The following COQ3 variants were observed in gnomAD, a reference collection of about 807,000 sequenced individuals.
The protein encoded by COQ3 is coenzyme Q3, methyltransferase, also known as ubiquinone biosynthesis O-methyltransferase, mitochondrial.
COQ3 carries 29 observed loss-of-function variants against 33.1 expected under a neutral mutation model. The ratio of observed to expected loss-of-function variants is 0.88; its 90% CI spans 0.65 to 1.19. The LOEUF (loss-of-function observed/expected upper bound fraction) is 1.19. Among genes scored for constraint, COQ3 ranks in the 50% most tolerant of loss-of-function variants. COQ3 has a pLI of 0.00. For synonymous variants in COQ3, 173 were observed against 157.8 expected (o/e 1.10, Z -0.72); for missense variants, 437 against 430.7 (o/e 1.01, Z -0.13).
At chr6:99,389,307 T>C (rs1057264041) in intron 1 of COQ3, among the ~76,000 whole-genome samples, 4 of 152,106 alleles carry the variant, frequency 2.6e-5, no homozygotes, top group African/African-American at 9.7e-5. Context: ...GTATTTTTAG[T>C]AGAGACAGGC....
At chr6:99,390,694 ATTGT>A (rs1197593891) in intron 1 of COQ3, among the ~76,000 whole-genome samples, 1 of 151,982 alleles carries the variant, frequency 6.6e-6, no homozygotes, top group African/African-American at 2.4e-5. Context: ...TGTAGTTTTA[ATTGT>A]TTGTTTTTGT....
At chr6:99,377,314 A>T in intron 4 of COQ3, 72 bp downstream of exon 4, 1 of 1,139,766 alleles carries the variant, frequency 8.8e-7, no homozygotes, top group South Asian at 1.3e-5. Flanking sequence ...TTGTTGAAAG[A>T]ATAAATGAGG....
At chr6:99,369,998 A>T (rs1353453308) in intron 6 of COQ3, among the ~76,000 whole-genome samples, 178 bp from the exon 7 acceptor site, 1 of 152,204 alleles carries the variant, frequency 6.6e-6, no homozygotes, top group Non-Finnish European at 1.5e-5. Context: ...CTATGCACTA[A>T]TCACAATTTA....
At chr6:99,389,507 A>C (rs1774764449) in intron 1 of COQ3, among the ~76,000 whole-genome samples, 2 of 152,202 alleles carry the variant, frequency 1.3e-5, no homozygotes, top group South Asian at 4.1e-4. Flanking sequence ...ACAAAAGGGT[A>C]CAGTACAAAG....
At chr6:99,372,561 G>A (rs996450579) in intron 5 of COQ3, among the ~76,000 whole-genome samples, 13 of 152,042 alleles carry the variant, frequency 8.6e-5, no homozygotes, top group Middle Eastern at 3.4e-3. Flanking sequence ...GGGATTACAG[G>A]TGCCTGCCAC....
chr6:99,373,612 C>T (rs888289484), intron 5 of COQ3, among the ~76,000 whole-genome samples: 3 of 152,042 alleles, frequency 2.0e-5, no homozygotes, highest in Non-Finnish European at 4.4e-5. Flanking sequence ...TCCCTTCATA[C>T]ACACTGACAT....
chr6:99,374,575 A>G (rs1774233681), intron 5 of COQ3, among the ~76,000 whole-genome samples: 1 of 152,232 alleles, frequency 6.6e-6, no homozygotes, highest in South Asian at 2.1e-4. Context: ...CGACAGAGTC[A>G]GTATAGTAAT....
At chr6:99,383,667 T>A (rs371786381) in intron 2 of COQ3, 31 bp downstream of exon 2, 2 of 1,512,880 alleles carry the variant, frequency 1.3e-6, no homozygotes, top group East Asian at 4.7e-5. Context: ...TATAATTACG[T>A]GAATATTTGC....
At chr6:99,387,028 T>A (rs1774670590) in intron 1 of COQ3, among the ~76,000 whole-genome samples, 2 of 152,106 alleles carry the variant, frequency 1.3e-5, no homozygotes, top group Non-Finnish European at 2.9e-5. Context: ...TAGCAAATAT[T>A]ACCACAATAT....
At position 99,369,958 on chromosome 6, in the gene COQ3, C is replaced by A. The variant is rs1774080747; in HGVS notation, c.890-138G>T. 8.0e-6 allele frequency: 5 copies of A among 626,566 alleles called. No individual in the cohort carries two copies. In the South Asian group the frequency reaches 1.0e-4, roughly 13 times the overall value. The allele number at this position is 626,566 out of a possible 1,614,324, so 38.8% of individuals were successfully genotyped here. A position where few individuals can be genotyped will look rare whatever the true frequency, so the allele number is the denominator to read the frequency against. ...AGGAAAAGAAGAAAAAAAAAGGATT[C>A]CTAACTTAATGGGCAAGCGTATTTT... On this transcript the variant is annotated intron_variant, in intron 6 of 6. Coordinates refer to ENST00000254759, the MANE Select transcript of COQ3 (RefSeq NM_017421.4).
chr6:99,370,344 C>CTTTTTT lies in COQ3; in HGVS notation c.890-530_890-525dup. ...TTCTTTCTTTCTTTTCTTTTCTTTA[C>CTTTTTT]TTTTTTTTTTTTTTTTTTTTGTGAG... On this transcript the variant is annotated intron_variant, in intron 6 of 6. Coordinates refer to ENST00000254759, the MANE Select transcript of COQ3 (RefSeq NM_017421.4). Among the ~76,000 whole-genome samples, 320 of 101,200 alleles carry CTTTTTT rather than the reference C, an allele frequency of 3.2e-3. 2 individuals carry two copies. The highest frequency in any genetic ancestry group is 6.4e-3 in the African/African-American group (163 of 25,366). 66.4% of individuals were successfully genotyped at this position (101,200 alleles called of 152,430 possible). A position where few individuals can be genotyped will look rare whatever the true frequency, so the allele number is the denominator to read the frequency against.
intron 2 of COQ3, among the ~76,000 whole-genome samples, chr6:99,383,412 C>T (rs567721617): frequency 9.2e-4 from 140 of 152,268 alleles, no homozygotes; most frequent in Non-Finnish European, 1.8e-3. Flanking sequence ...AAAAATTCTT[C>T]TCTAAGTAAT....
intron 1 of COQ3, 32 bp downstream of exon 1, chr6:99,394,042 T>C (rs778623412): frequency 1.9e-6 from 3 of 1,570,824 alleles, no homozygotes; most frequent in Admixed American, 1.7e-5. Context: ...CGCAATTGAC[T>C]GCATGCGAAG....
At chr6:99,389,011 TATC>T (rs1774747284) in intron 1 of COQ3, among the ~76,000 whole-genome samples, 1 of 152,020 alleles carries the variant, frequency 6.6e-6, no homozygotes, top group Non-Finnish European at 1.5e-5. Context: ...TGGAGTCAAT[TATC>T]ATACTAAAGT....
chr6:99,386,484 C>T (rs991013883), intron 1 of COQ3, among the ~76,000 whole-genome samples: 78 of 151,924 alleles, frequency 5.1e-4, no homozygotes, highest in Non-Finnish European at 9.7e-4. Flanking sequence ...ACATTGTAAA[C>T]AAAACAAAGC....
At chr6:99,390,511 T>C (rs1343292444) in intron 1 of COQ3, among the ~76,000 whole-genome samples, 2 of 152,020 alleles carry the variant, frequency 1.3e-5, no homozygotes, top group Non-Finnish European at 2.9e-5. Flanking sequence ...TTTTTTGGAT[T>C]TTTAGTAGAG....
At chr6:99,386,112 C>G (rs973305473) in intron 1 of COQ3, among the ~76,000 whole-genome samples, 2 of 151,628 alleles carry the variant, frequency 1.3e-5, no homozygotes, top group Non-Finnish European at 2.9e-5. Flanking sequence ...AGCAAGCAAG[C>G]AAGCAGAAAT....
At chr6:99,381,925 CAAAAA>C (rs57680059) in intron 2 of COQ3, among the ~76,000 whole-genome samples, 1 of 121,714 alleles carries the variant, frequency 8.2e-6, no homozygotes, top group Non-Finnish European at 1.8e-5. Context: ...GACTCTGTCT[CAAAAA>C]AAAAAAAAAA....
intron 1 of COQ3, among the ~76,000 whole-genome samples, chr6:99,388,298 T>C (rs1201020226): frequency 3.9e-5 from 6 of 152,234 alleles, no homozygotes; most frequent in Non-Finnish European, 1.5e-5. Context: ...AAATACTTTA[T>C]CATTTTAAAT....
Sources: gnomAD v4.1 joint callset for allele counts (sites outside exome capture counted in the v4.1 genomes callset) on GRCh38, gnomAD v4.1.1 for gene constraint, MANE v1.5 for transcripts, NCBI Gene and HGNC (gene_info 2026-07-23, HGNC 2026-07-21) for gene names.